The following NRG3 variants were observed in gnomAD, a reference collection of about 807,000 sequenced individuals.
The protein encoded by NRG3 is pro-neuregulin-3, membrane-bound isoform.
A neutral mutation model predicts 66.9 loss-of-function variants in NRG3; 31 were observed. That is an observed-to-expected ratio of 0.46 (90% CI 0.35 to 0.63). NRG3 has a LOEUF of 0.63. Among genes scored for constraint, NRG3 ranks in the 20% least tolerant of loss-of-function variants. NRG3 has a pLI of 0.00. For missense variants in NRG3, 910 were observed against 878.9 expected (o/e 1.04, Z -0.45); for synonymous variants, 393 against 359.4 (o/e 1.09, Z -1.06).
At chr10:82,200,811 G>C (rs545720328) in intron 1 of NRG3, among the ~76,000 whole-genome samples, 1 of 152,128 alleles carries the variant, frequency 6.6e-6, no homozygotes, top group African/African-American at 2.4e-5. Flanking sequence ...TCAGAAAAAG[G>C]GCTTGCAATG....
chr10:82,017,826 A>C (rs2061856016), intron 1 of NRG3, among the ~76,000 whole-genome samples: 1 of 152,030 alleles, frequency 6.6e-6, no homozygotes, highest in East Asian at 1.9e-4. Flanking sequence ...TTCTTTGTAG[A>C]TTCTGGATAT....
intron 2 of NRG3, among the ~76,000 whole-genome samples, chr10:82,414,627 A>G (rs1328520044): frequency 6.6e-6 from 1 of 152,170 alleles, no homozygotes; most frequent in African/African-American, 2.4e-5. Context: ...GTGAAGCACA[A>G]TAAAATAAGC....
chr10:81,884,475 A>G (rs903756257), intron 1 of NRG3, among the ~76,000 whole-genome samples: 3 of 152,196 alleles, frequency 2.0e-5, no homozygotes, highest in Non-Finnish European at 2.9e-5. Flanking sequence ...TGCTCTCCAT[A>G]CACATCCTTG....
intron 2 of NRG3, among the ~76,000 whole-genome samples, chr10:82,721,346 G>C (rs965084239): frequency 1.9e-4 from 29 of 151,358 alleles, no homozygotes; most frequent in African/African-American, 6.1e-4. Flanking sequence ...CACTATGGTA[G>C]CCAGGATTGT....
chr10:82,377,303 C>T (rs2085303516), intron 2 of NRG3, among the ~76,000 whole-genome samples: 1 of 152,116 alleles, frequency 6.6e-6, no homozygotes. Flanking sequence ...GGATGCCTCG[C>T]AGTAAATATT....
intron 4 of NRG3, among the ~76,000 whole-genome samples, chr10:82,881,112 T>C (rs1304232954): frequency 6.6e-6 from 1 of 152,226 alleles, no homozygotes; most frequent in African/African-American, 2.4e-5. Flanking sequence ...TGTTCCCAAA[T>C]TACCTCAGCA....
chr10:82,601,878 C>CTATA (rs1468170498), intron 2 of NRG3, among the ~76,000 whole-genome samples: 1 of 144,762 alleles, frequency 6.9e-6, no homozygotes, highest in Non-Finnish European at 1.5e-5. Flanking sequence ...ATATATATAA[C>CTATA]TATATATACA....
At chr10:82,951,399 T>G (rs1431357061) in intron 4 of NRG3, 70 bp from the exon 5 acceptor site, 2 of 1,233,488 alleles carry the variant, frequency 1.6e-6, no homozygotes, top group African/African-American at 3.0e-5. Flanking sequence ...AGCTCAGAAG[T>G]ACATGGATGA....
intron 2 of NRG3, among the ~76,000 whole-genome samples, chr10:82,431,749 C>T (rs2089819189): frequency 6.6e-6 from 1 of 152,082 alleles, no homozygotes; most frequent in Non-Finnish European, 1.5e-5. Context: ...AATGTCTTTT[C>T]TTCTCTGTGA....
At chr10:82,337,243 T>C (rs2082437216) in intron 1 of NRG3, among the ~76,000 whole-genome samples, 1 of 152,346 alleles carries the variant, frequency 6.6e-6, no homozygotes, top group African/African-American at 2.4e-5. Context: ...ACATTTCCTA[T>C]AAATGGAATT....
At chr10:82,917,284 G>T (rs573466385) in intron 4 of NRG3, among the ~76,000 whole-genome samples, 1 of 152,068 alleles carries the variant, frequency 6.6e-6, no homozygotes, top group African/African-American at 2.4e-5. Flanking sequence ...CCTAGCTCAG[G>T]TTATGGTCTT....
At chr10:82,752,336 G>A (rs1200907073) in intron 3 of NRG3, among the ~76,000 whole-genome samples, 1 of 152,006 alleles carries the variant, frequency 6.6e-6, no homozygotes, top group East Asian at 1.9e-4. Flanking sequence ...TCTGTGATAG[G>A]CAATCAATGC....
At chr10:82,789,432 A>G (rs1434603167) in intron 3 of NRG3, among the ~76,000 whole-genome samples, 1 of 152,004 alleles carries the variant, frequency 6.6e-6, no homozygotes, top group Non-Finnish European at 1.5e-5. Flanking sequence ...ATTTTATCTC[A>G]CTCTATGTAT....
chr10:82,263,577 A>C (rs2078144751), intron 1 of NRG3, among the ~76,000 whole-genome samples: 1 of 152,112 alleles, frequency 6.6e-6, no homozygotes, highest in Admixed American at 6.6e-5. Flanking sequence ...ACTCAAGAAT[A>C]ACCTATAATC....
intron 2 of NRG3, among the ~76,000 whole-genome samples, chr10:82,440,173 T>C (rs1326148081): frequency 6.6e-6 from 1 of 152,028 alleles, no homozygotes; most frequent in East Asian, 1.9e-4. Flanking sequence ...TTTGAGAACA[T>C]GATTTTCTGT....
chr10:82,219,894 G>A (rs11193043), intron 1 of NRG3, among the ~76,000 whole-genome samples: 5,012 of 151,894 alleles, frequency 0.033, 109 homozygotes, highest in Non-Finnish European at 0.047. Context: ...ACAGTATCAC[G>A]ATACAGGGAG....
rs190202852 is a variant in NRG3 at position 82,691,724 on chromosome 10, G to T, written c.954-46853G>T. 5.9e-5 allele frequency among the ~76,000 whole-genome samples: 9 copies of T among 152,102 alleles called. No individual in the cohort carries two copies. The East Asian group carries it at 1.7e-3, about 29-fold the overall frequency. On this transcript the variant is annotated intron_variant, in intron 2 of 8. Coordinates refer to ENST00000372141, the MANE Select transcript of NRG3 (RefSeq NM_001010848.4). ...AGTGTCAAACATTGCTCCAGGCATG[G>T]TACTTGCACTGTCTTGTTTAATTCT...
rs1220322504 is a variant in NRG3, at chr10:81,875,853, C to T, written c.513C>T (p.His171=). 6.2e-7 allele frequency: 1 copy of T among 1,609,798 alleles called. No homozygotes were observed. The highest frequency in any genetic ancestry group is 1.3e-5 in the African/African-American group (1 of 74,932). ...ITRAPTRFPG[H]RVPIRASPRS... is the part of the protein sequence containing the mutation. Reference sequence around the variant, plus strand: ...GGGCGCCCACTCGCTTCCCCGGGCACCGGGTGCCCATCCGGGCCAGCCCGC... The same window carrying T: ...GGGCGCCCACTCGCTTCCCCGGGCATCGGGTGCCCATCCGGGCCAGCCCGC... The change falls in exon 1 of 9, where the codon CAC becomes CAT. Residue 171 remains histidine, a synonymous_variant. Coordinates refer to ENST00000372141, the MANE Select transcript of NRG3 (RefSeq NM_001010848.4). The surrounding 1 kb of genome is among the most constrained non-coding windows in gnomAD (Gnocchi z 5.3).
intron 1 of NRG3, among the ~76,000 whole-genome samples, chr10:82,026,063 A>G (rs1473012922): frequency 1.3e-5 from 2 of 152,076 alleles, no homozygotes; most frequent in African/African-American, 4.8e-5. Context: ...AAGAGGAAGA[A>G]GATAATTTAA....
Sources: allele counts gnomAD v4.1 joint callset (sites outside exome capture counted in the v4.1 genomes callset), GRCh38; gene constraint gnomAD v4.1.1; non-coding constraint Gnocchi (gnomAD v3.1); transcripts MANE v1.5; gene names NCBI Gene and HGNC (gene_info 2026-07-23, HGNC 2026-07-21).